The following MEIS2 variants were observed in gnomAD, a reference collection of about 807,000 sequenced individuals.
MEIS2 encodes Meis homeobox 2.
In MEIS2, 9 loss-of-function variants were observed where a neutral mutation model predicts 58.6. The ratio of observed to expected loss-of-function variants is 0.15; its 90% CI spans 0.09 to 0.27. The LOEUF (loss-of-function observed/expected upper bound fraction) is 0.27. Among genes scored for constraint, MEIS2 ranks in the 10% least tolerant of loss-of-function variants. MEIS2 has a pLI of 1.00. For synonymous variants in MEIS2, 221 were observed against 228.4 expected (o/e 0.97, Z 0.29); for missense variants, 427 against 635.0 (o/e 0.67, Z 3.52).
At chr15:36,968,751 C>G (rs2059435146) in intron 8 of MEIS2, among the ~76,000 whole-genome samples, 1 of 152,168 alleles carries the variant, frequency 6.6e-6, no homozygotes, top group Non-Finnish European at 1.5e-5. Flanking sequence ...GGTCACACTT[C>G]ATTTATATTA....
intron 8 of MEIS2, among the ~76,000 whole-genome samples, chr15:37,017,847 G>A (rs544605888): frequency 1.9e-3 from 293 of 152,120 alleles, no homozygotes; most frequent in African/African-American, 6.8e-3. Flanking sequence ...ATTCTATGGT[G>A]TTTAGGACAG....
chr15:37,044,927 A>G (rs1464098385), intron 7 of MEIS2, among the ~76,000 whole-genome samples: 1 of 152,206 alleles, frequency 6.6e-6, no homozygotes, highest in Non-Finnish European at 1.5e-5. Flanking sequence ...CTCTAGATAT[A>G]TTAATTAGAA....
intron 9 of MEIS2, among the ~76,000 whole-genome samples, chr15:36,906,738 A>T (rs951171017): frequency 6.6e-6 from 1 of 152,006 alleles, no homozygotes; most frequent in African/African-American, 2.4e-5. Context: ...CCTATTTTCC[A>T]AGCTACATGA....
At chr15:36,985,573 C>G (rs2060067957) in intron 8 of MEIS2, among the ~76,000 whole-genome samples, 1 of 152,136 alleles carries the variant, frequency 6.6e-6, no homozygotes, top group African/African-American at 2.4e-5. Context: ...AACTGAAATT[C>G]ACAGTCCGCA....
rs150203681 is a variant in MEIS2 at position 36,954,958 on chromosome 15, G to C, written c.901-4558C>G. On this transcript the variant is annotated intron_variant, in intron 8 of 11. Coordinates refer to ENST00000561208, the MANE Select transcript of MEIS2 (RefSeq NM_170675.5). ...GCCACTCATTCATGAAACCCTCTAAGTAATTTCCCTAATGTGGATAATAAA... is the reference window on the plus strand; with the variant it reads ...GCCACTCATTCATGAAACCCTCTAACTAATTTCCCTAATGTGGATAATAAA... Among the ~76,000 whole-genome samples, 164 of 152,224 alleles carry C rather than the reference G, an allele frequency of 1.1e-3. 1 individual carries two copies. The highest frequency in any genetic ancestry group is 1.8e-3 in the Non-Finnish European group (122 of 68,016).
chr15:37,063,468 GA>G (rs1171760835), intron 7 of MEIS2, among the ~76,000 whole-genome samples: 33 of 152,160 alleles, frequency 2.2e-4, no homozygotes, highest in Admixed American at 2.2e-3. Context: ...CAGGTAAAGG[GA>G]AGTTTCTTAG....
intron 7 of MEIS2, among the ~76,000 whole-genome samples, chr15:37,076,979 C>T (rs1322949523): frequency 6.6e-6 from 1 of 152,064 alleles, no homozygotes; most frequent in Non-Finnish European, 1.5e-5. Context: ...TTGGTGCAGA[C>T]CCCCAAAGAT....
intron 9 of MEIS2, among the ~76,000 whole-genome samples, chr15:36,932,855 A>C (rs1270815021): frequency 2.0e-4 from 31 of 152,224 alleles, no homozygotes; most frequent in Non-Finnish European, 7.3e-5. Context: ...GAGTAGCCAA[A>C]AAGTGATGGA....
intron 2 of MEIS2, chr15:37,097,156 GTTCCTC>G (rs1894364676): frequency 6.6e-6 from 1 of 152,184 alleles, no homozygotes; most frequent in Non-Finnish European, 1.5e-5. Flanking sequence ...TGCCCTTTGT[GTTCCTC>G]CGGGCGGCTT....
At chr15:36,981,286 T>C (rs889306776) in intron 8 of MEIS2, among the ~76,000 whole-genome samples, 2 of 152,172 alleles carry the variant, frequency 1.3e-5, no homozygotes, top group African/African-American at 4.8e-5. Flanking sequence ...AATAAACTCA[T>C]TGTTTTGAGT....
intron 8 of MEIS2, among the ~76,000 whole-genome samples, chr15:36,982,790 T>C (rs2141515092): frequency 6.6e-6 from 1 of 152,314 alleles, no homozygotes. Context: ...AGGGCTCCCT[T>C]TTCTCCACAT....
intron 8 of MEIS2, among the ~76,000 whole-genome samples, chr15:37,024,704 G>C (rs1471347297): frequency 6.6e-6 from 1 of 152,206 alleles, no homozygotes; most frequent in Admixed American, 6.5e-5. Flanking sequence ...GCTGCAATGA[G>C]ACAATTCTGT....
chr15:36,892,373 T>C lies in MEIS2; in HGVS notation c.1234A>G (p.Met412Val), dbSNP rs1447667587. The C allele has an allele frequency of 1.2e-6, 2 of 1,614,016 alleles. No individual in the cohort carries two copies. Among genetic ancestry groups the C allele is most frequent in the Admixed American group, 1.7e-5 (1 of 60,002 alleles). ...CTTAATTGAGTAGGGTGTGGGGTCA[T>C]CTGGGGAGGAGTGTAACTTGGCTGT... is the stretch of plus-strand genomic sequence containing the variant. ...MAQPSYTPPQ[M>V]TPHPTQLRHG... is the part of the protein sequence containing the mutation. The change falls in exon 12 of 12, where the codon ATG becomes GTG. Residue 412 changes from methionine to valine, a missense_variant. Physicochemically the swap from Met to Val is conservative, Grantham distance 21 (BLOSUM62 1). Transcript: ENST00000561208.
chr15:36,947,136 A>C (rs181432115), intron 9 of MEIS2, among the ~76,000 whole-genome samples: 18 of 152,068 alleles, frequency 1.2e-4, no homozygotes, highest in African/African-American at 4.3e-4. Context: ...TCATCTTTTA[A>C]AAGAAAGTCT....
chr15:36,938,171 C>T (rs1488290310), intron 9 of MEIS2, among the ~76,000 whole-genome samples: 1 of 152,124 alleles, frequency 6.6e-6, no homozygotes, highest in African/African-American at 2.4e-5. Context: ...CAAGCTCCTC[C>T]AAGCACCCGC....
At chr15:37,093,460 C>G (rs1893805900) in intron 6 of MEIS2, 121 bp downstream of exon 6, 1 of 1,224,006 alleles carries the variant, frequency 8.2e-7, no homozygotes, top group African/African-American at 1.5e-5. Flanking sequence ...AAGAAAAGAC[C>G]CCAAAAGAGA....
At chr15:37,042,626 A>G (rs2062475949) in intron 7 of MEIS2, among the ~76,000 whole-genome samples, 1 of 152,230 alleles carries the variant, frequency 6.6e-6, no homozygotes, top group African/African-American at 2.4e-5. Context: ...GGCAGATCCA[A>G]ACAATGCTTG....
At position 37,095,576 on chromosome 15, in the gene MEIS2, CT is replaced by C; in HGVS notation, c.425del (p.Glu142GlyfsTer5). On this transcript the variant is annotated frameshift_variant, in exon 4 of 12. Transcript: ENST00000561208. LOFTEE classifies it high-confidence loss of function. ...CAGAGAGCCTTACCAAATTGTCCAG[CT>C]CTGGATTTGAGGAAAAAAGTGGCTT... ...AEKPLFSSNPELDNLMIQAIQ... is the reference protein window; with the variant it reads ...AEKPLFSSNPXLDNLMIQAIQ... 6.2e-7 allele frequency: 1 copy of C among 1,614,168 alleles called. No individual in the cohort carries two copies. The highest frequency in any genetic ancestry group is 8.5e-7 in the Non-Finnish European group (1 of 1,180,036).
chr15:36,898,313 A>G (rs891928543), intron 9 of MEIS2: 2 of 152,244 alleles, frequency 1.3e-5, no homozygotes, highest in Non-Finnish European at 2.9e-5. Context: ...ACAGCAACCA[A>G]GGAGGACTGA....
Sources: gnomAD v4.1 joint callset for allele counts (sites outside exome capture counted in the v4.1 genomes callset) on GRCh38, gnomAD v4.1.1 for gene constraint, MANE v1.5 for transcripts, NCBI Gene and HGNC (gene_info 2026-07-23, HGNC 2026-07-21) for gene names.